WWOX: variants seen among roughly 807,000 people sequenced by gnomAD.
WWOX encodes the protein WW domain-containing oxidoreductase.
A neutral mutation model predicts 46.2 loss-of-function variants in WWOX; 69 were observed. The ratio of observed to expected loss-of-function variants is 1.49; its 90% CI spans 1.23 to 1.82. The LOEUF (loss-of-function observed/expected upper bound fraction) is 1.82, where lower values mean the gene tolerates loss of function less well. WWOX is among the 40% of genes most tolerant of loss of function. The pLI is 0.00. For missense variants in WWOX, 919 were observed against 542.6 expected, an observed-to-expected ratio of 1.69 and a Z score of -6.89; for synonymous variants, 359 against 202.6, an observed-to-expected ratio of 1.77 and a Z score of -6.56.
In WWOX at chr16:79,075,040, A is replaced by G. The variant is rs1438679234; in HGVS notation, c.1057-136568A>G. On this transcript the variant is annotated intron_variant, in intron 8 of 8. Transcript: ENST00000566780. ...GACCCCAAAGACCCCAGAGAAACTC[A>G]GTATGAAAAATCACTATGGAAGTGC... Among the ~76,000 whole-genome samples, 7 of 152,350 alleles carry G rather than the reference A, an allele frequency of 4.6e-5. No homozygotes were observed. In the East Asian group the frequency reaches 1.4e-3, roughly 29 times the overall value.
intron 6 of WWOX, among the ~76,000 whole-genome samples, chr16:78,388,680 T>C (rs1250617536): frequency 1.5e-5 from 2 of 136,548 alleles, no homozygotes; most frequent in East Asian, 2.2e-4. Flanking sequence ...AAAAAAAAGT[T>C]TGTACTCAGC....
intron 8 of WWOX, among the ~76,000 whole-genome samples, chr16:78,815,682 C>T (rs2051310794): frequency 6.6e-6 from 1 of 152,184 alleles, no homozygotes; most frequent in African/African-American, 2.4e-5. Flanking sequence ...TTAATCCTTC[C>T]TTCCCTTCCT....
intron 8 of WWOX, among the ~76,000 whole-genome samples, chr16:78,498,628 C>T (rs2084977872): frequency 6.6e-6 from 1 of 152,178 alleles, no homozygotes; most frequent in Non-Finnish European, 1.5e-5. Flanking sequence ...TCAGAAGGGA[C>T]ATTGTTGTTT....
intron 8 of WWOX, among the ~76,000 whole-genome samples, chr16:78,709,483 G>C (rs1317360058): frequency 3.3e-5 from 5 of 152,130 alleles, no homozygotes; most frequent in Non-Finnish European, 7.3e-5. Context: ...AGGGTATTCT[G>C]TTCATCTCTG....
chr16:78,683,677 C>T (rs1043485648), intron 8 of WWOX, among the ~76,000 whole-genome samples: 2 of 152,172 alleles, frequency 1.3e-5, no homozygotes, highest in African/African-American at 4.8e-5. Context: ...GCTGGGATTA[C>T]AGGCACGAGC....
At chr16:78,728,209 C>A (rs956952975) in intron 8 of WWOX, among the ~76,000 whole-genome samples, 1 of 151,536 alleles carries the variant, frequency 6.6e-6, no homozygotes, top group African/African-American at 2.4e-5. Flanking sequence ...TGACTACGGA[C>A]ACATGCCACT....
chr16:78,858,914 A>G (rs2052635294), intron 8 of WWOX, among the ~76,000 whole-genome samples: 1 of 149,094 alleles, frequency 6.7e-6, no homozygotes, highest in Admixed American at 6.7e-5. Context: ...CCTGGGCTCA[A>G]GTTACCCTCC....
chr16:78,157,099 A>G (rs928113320), intron 4 of WWOX, among the ~76,000 whole-genome samples: 2 of 152,220 alleles, frequency 1.3e-5, no homozygotes, highest in African/African-American at 4.8e-5. Flanking sequence ...CCCTGTGATG[A>G]AACTGTGAAG....
intron 8 of WWOX, among the ~76,000 whole-genome samples, chr16:78,920,428 C>G (rs374541398): frequency 6.6e-6 from 1 of 152,158 alleles, no homozygotes; most frequent in African/African-American, 2.4e-5. Context: ...GTCCTAAGGT[C>G]CCAGCCACCT....
chr16:79,049,566 A>C (rs2048127839), intron 8 of WWOX, among the ~76,000 whole-genome samples: 1 of 152,172 alleles, frequency 6.6e-6, no homozygotes, highest in African/African-American at 2.4e-5. Context: ...GGCAGGGCGC[A>C]GTAGCTGACC....
intron 8 of WWOX, among the ~76,000 whole-genome samples, chr16:78,718,748 T>G (rs1457876359): frequency 6.6e-6 from 1 of 152,138 alleles, no homozygotes; most frequent in Non-Finnish European, 1.5e-5. Context: ...AGGATGTTTT[T>G]TTAAAAGAAG....
In WWOX at chr16:78,115,053, C is replaced by T. The variant is rs767476600; in HGVS notation, c.308C>T (p.Thr103Ile). Residue 103 changes from threonine to isoleucine, a missense_variant, in exon 4 of 9, where the codon ACC becomes ATC. Physicochemically the swap from Thr to Ile is moderately conservative, Grantham distance 89. Transcript: ENST00000566780. ...GATGATAATCCGACCAAGCCAACCACCCGGCAAAGATACGACGGCAGCACC... is the reference window on the plus strand; with the variant it reads ...GATGATAATCCGACCAAGCCAACCATCCGGCAAAGATACGACGGCAGCACC... Reference protein sequence around the residue: ...TVDDNPTKPTTRQRYDGSTTA... With the variant: ...TVDDNPTKPTIRQRYDGSTTA... 1 of 1,614,210 alleles carries T rather than the reference C, an allele frequency of 6.2e-7. No individual in the cohort carries two copies. Among genetic ancestry groups the T allele is most frequent in the Non-Finnish European group, 8.5e-7 (1 of 1,180,036 alleles).
At chr16:78,813,520 A>G (rs1037128475) in intron 8 of WWOX, among the ~76,000 whole-genome samples, 2 of 152,124 alleles carry the variant, frequency 1.3e-5, no homozygotes, top group African/African-American at 4.8e-5. Context: ...AATGATGCCT[A>G]TCTGATTCTG....
chr16:78,301,644 G>C (rs2080043026), intron 5 of WWOX, among the ~76,000 whole-genome samples: 1 of 152,122 alleles, frequency 6.6e-6, no homozygotes, highest in East Asian at 1.9e-4. Context: ...GAAGATTCAA[G>C]TCTCAGGTTA....
chr16:78,738,913 A>C (rs16948405), intron 8 of WWOX, among the ~76,000 whole-genome samples: 24,236 of 152,032 alleles, frequency 0.16, 2,473 homozygotes, highest in African/African-American at 0.28. Flanking sequence ...AGTGCTGATC[A>C]TTTGCCTTCA....
intron 8 of WWOX, among the ~76,000 whole-genome samples, chr16:79,201,321 G>A (rs1035989225): frequency 4.7e-5 from 7 of 150,188 alleles, no homozygotes; most frequent in Non-Finnish European, 1.0e-4. Flanking sequence ...TAGCTGAATA[G>A]AGAGGGTTTC....
chr16:78,460,190 C>T (rs4435264), intron 8 of WWOX, among the ~76,000 whole-genome samples: 1 of 151,712 alleles, frequency 6.6e-6, no homozygotes, highest in Non-Finnish European at 1.5e-5. Flanking sequence ...TGCAGTGGCA[C>T]TATCTGGGCT....
chr16:78,785,848 C>T (rs1597606634), intron 8 of WWOX, among the ~76,000 whole-genome samples: 1 of 152,172 alleles, frequency 6.6e-6, no homozygotes, highest in South Asian at 2.1e-4. Flanking sequence ...TTTTCTGCTA[C>T]TCATAATGTA....
At chr16:78,633,949 C>T (rs1079323) in intron 8 of WWOX, among the ~76,000 whole-genome samples, 119,985 of 150,772 alleles carry the variant, frequency 0.8, 48,071 homozygotes, top group Middle Eastern at 0.88. Flanking sequence ...CCAGCTCTGC[C>T]GACCAAAGGC....
Sources: gnomAD v4.1 joint callset for allele counts (sites outside exome capture counted in the v4.1 genomes callset) on GRCh38, gnomAD v4.1.1 for gene constraint, MANE v1.5 for transcripts, NCBI Gene and HGNC (gene_info 2026-07-23, HGNC 2026-07-21) for gene names.